The following VSNL1 variants were observed in gnomAD, a reference collection of about 807,000 sequenced individuals.
VSNL1 encodes the protein visinin like 1.
In VSNL1, 6 loss-of-function variants were observed where a neutral mutation model predicts 20.4. That is an observed-to-expected ratio of 0.29 (90% CI 0.16 to 0.58). The LOEUF (loss-of-function observed/expected upper bound fraction) is 0.58, where lower values mean the gene tolerates loss of function less well. VSNL1 is among the 20% of genes least tolerant of loss of function. The pLI is 0.90. For missense variants in VSNL1, 100 were observed against 234.5 expected (o/e 0.43, Z 3.75); for synonymous variants, 93 against 86.4 (o/e 1.08, Z -0.42).
At chr2:17,580,296 C>T (rs1444822421) in intron 1 of VSNL1, among the ~76,000 whole-genome samples, 2 of 152,126 alleles carry the variant, frequency 1.3e-5, no homozygotes, top group Non-Finnish European at 2.9e-5. Context: ...ATCCGAGAAG[C>T]CTTGGGGAAC....
At chr2:17,567,522 C>G in intron 1 of VSNL1, 1 of 151,940 alleles carries the variant, frequency 6.6e-6, no homozygotes, top group East Asian at 1.9e-4. Context: ...CTACGCCAGG[C>G]TAATTTTTTT....
At chr2:17,550,073 A>G (rs1272904185) in intron 1 of VSNL1, among the ~76,000 whole-genome samples, 1 of 152,222 alleles carries the variant, frequency 6.6e-6, no homozygotes, top group Admixed American at 6.5e-5. Context: ...GTTACGAGAT[A>G]TTGTGAGCAT....
intron 2 of VSNL1, among the ~76,000 whole-genome samples, chr2:17,593,228 A>G (rs1664634640): frequency 6.6e-6 from 1 of 152,200 alleles, no homozygotes; most frequent in Admixed American, 6.5e-5. Flanking sequence ...GGGCATGTGT[A>G]AGAATACTCA....
intron 2 of VSNL1, among the ~76,000 whole-genome samples, chr2:17,593,301 G>A (rs1333439912): frequency 6.6e-6 from 1 of 151,996 alleles, no homozygotes; most frequent in Non-Finnish European, 1.5e-5. Context: ...AAGGGAAAGT[G>A]GAAAATAAAC....
chr2:17,576,177 T>C (rs1281875642), intron 1 of VSNL1, among the ~76,000 whole-genome samples: 1 of 152,232 alleles, frequency 6.6e-6, no homozygotes, highest in Non-Finnish European at 1.5e-5. Flanking sequence ...CTAGTTGTAA[T>C]TATAGAGTGT....
chr2:17,581,754 C>T (rs111696208), intron 1 of VSNL1, among the ~76,000 whole-genome samples: 4 of 152,016 alleles, frequency 2.6e-5, no homozygotes, highest in African/African-American at 4.8e-5. Context: ...CTTTAAGCTT[C>T]GTTTCATACG....
At chr2:17,595,545 C>G (rs1016508539) in intron 2 of VSNL1, among the ~76,000 whole-genome samples, 1 of 152,238 alleles carries the variant, frequency 6.6e-6, no homozygotes, top group Non-Finnish European at 1.5e-5. Flanking sequence ...TAGCAGATAG[C>G]TCTTTCCCTT....
intron 2 of VSNL1, among the ~76,000 whole-genome samples, chr2:17,614,619 G>A (rs980114797): frequency 3.3e-5 from 5 of 152,164 alleles, no homozygotes. Context: ...ATCCCCTCAG[G>A]GTCAGATCCA....
chr2:17,571,575 A>C (rs1476313691), intron 1 of VSNL1, among the ~76,000 whole-genome samples: 1 of 152,242 alleles, frequency 6.6e-6, no homozygotes, highest in African/African-American at 2.4e-5. Context: ...AAAAATTAAG[A>C]TATTCATAGA....
At chr2:17,632,614 T>C (rs1013063929) in intron 2 of VSNL1, among the ~76,000 whole-genome samples, 2 of 152,222 alleles carry the variant, frequency 1.3e-5, no homozygotes, top group Non-Finnish European at 2.9e-5. Flanking sequence ...ATGATCACTC[T>C]TAATAATAAC....
chr2:17,576,867 T>C (rs1028327126), intron 1 of VSNL1, among the ~76,000 whole-genome samples: 1 of 152,242 alleles, frequency 6.6e-6, no homozygotes, highest in African/African-American at 2.4e-5. Context: ...TTTAATCATT[T>C]CTGTCTTCTG....
At chr2:17,578,556 GTCATCC>G (rs1664272415) in intron 1 of VSNL1, among the ~76,000 whole-genome samples, 1 of 152,118 alleles carries the variant, frequency 6.6e-6, no homozygotes, top group Non-Finnish European at 1.5e-5. Context: ...AGAAGCATTT[GTCATCC>G]CCACAGGGTG....
At chr2:17,570,371 C>T (rs1001453535) in intron 1 of VSNL1, among the ~76,000 whole-genome samples, 2 of 152,152 alleles carry the variant, frequency 1.3e-5, no homozygotes, top group African/African-American at 4.8e-5. Flanking sequence ...TGAACGTGTG[C>T]TCCAAGAAAC....
At chr2:17,558,811 ATTATCT>A (rs1385722100) in intron 1 of VSNL1, among the ~76,000 whole-genome samples, 1 of 152,208 alleles carries the variant, frequency 6.6e-6, no homozygotes, top group East Asian at 1.9e-4. Context: ...GAGTTTGCAG[ATTATCT>A]TTAAGGTATT....
chr2:17,608,928 G>A (rs1665015995), intron 2 of VSNL1, among the ~76,000 whole-genome samples: 1 of 152,154 alleles, frequency 6.6e-6, no homozygotes, highest in African/African-American at 2.4e-5. Flanking sequence ...TTGCAATGGA[G>A]GAGATATAAA....
rs1413008254 is a variant in VSNL1, at chr2:17,565,046, A to G, written c.-6+24128A>G. Among the ~76,000 whole-genome samples the G allele has an allele frequency of 2.0e-5, 3 of 152,194 alleles. No homozygotes were observed. The East Asian group carries it at 5.8e-4, about 29-fold the overall frequency. On this transcript the variant is annotated intron_variant, in intron 1 of 3. Coordinates refer to ENST00000295156, the MANE Select transcript of VSNL1 (RefSeq NM_003385.5). ...TTAGCAAAATTTTTAGAGTTATGGGACAATTTTCTTTTTAGTATTCTACCA... is the reference window on the plus strand; with the variant it reads ...TTAGCAAAATTTTTAGAGTTATGGGGCAATTTTCTTTTTAGTATTCTACCA...
intron 2 of VSNL1, among the ~76,000 whole-genome samples, chr2:17,598,776 C>A (rs980624218): frequency 2.0e-5 from 3 of 152,172 alleles, no homozygotes; most frequent in Non-Finnish European, 4.4e-5. Flanking sequence ...ATTCTAGGTT[C>A]CATAACAGTG....
chr2:17,571,289 T>G, intron 1 of VSNL1, among the ~76,000 whole-genome samples: 1 of 152,178 alleles, frequency 6.6e-6, no homozygotes. Flanking sequence ...ACACAACTAA[T>G]AATAATTTTT....
chr2:17,552,831 A>G (rs1663577102), intron 1 of VSNL1, among the ~76,000 whole-genome samples: 1 of 152,350 alleles, frequency 6.6e-6, no homozygotes, highest in Non-Finnish European at 1.5e-5. Flanking sequence ...TATATGAGAC[A>G]TGACTGCATC....
Sources: gnomAD v4.1 joint callset for allele counts (sites outside exome capture counted in the v4.1 genomes callset) on GRCh38, gnomAD v4.1.1 for gene constraint, MANE v1.5 for transcripts, NCBI Gene and HGNC (gene_info 2026-07-23, HGNC 2026-07-21) for gene names.